INPP5A: variants seen among roughly 807,000 people sequenced by gnomAD.
The protein encoded by INPP5A is inositol polyphosphate-5-phosphatase A.
In INPP5A, 14 loss-of-function variants were observed where a neutral mutation model predicts 65.2. That is an observed-to-expected ratio of 0.21 (90% CI 0.14 to 0.34). The LOEUF (loss-of-function observed/expected upper bound fraction) is 0.34. INPP5A is among the 10% of genes least tolerant of loss of function. The pLI, the probability that INPP5A is intolerant of heterozygous loss-of-function variation, is 1.00. For missense variants in INPP5A, 431 were observed against 545.6 expected (o/e 0.79, Z 2.09); for synonymous variants, 207 against 208.3 (o/e 0.99, Z 0.05).
intron 9 of INPP5A, among the ~76,000 whole-genome samples, chr10:132,730,739 C>T (rs909609958): frequency 9.2e-5 from 14 of 152,192 alleles, no homozygotes; most frequent in African/African-American, 2.2e-4. Context: ...ACCCAGGTGG[C>T]GTCTTGAAGT....
rs570568882 is a variant in INPP5A, at chr10:132,645,963, C to A, written c.213C>A (p.Phe71Leu). 6.2e-7 allele frequency: 1 copy of A among 1,611,488 alleles called. No individual in the cohort carries two copies. Among genetic ancestry groups the A allele is most frequent in the Non-Finnish European group, 8.5e-7 (1 of 1,177,948 alleles). ...YEASMSHVDKFVKELLSSDAM... is the reference protein window; with the variant it reads ...YEASMSHVDKLVKELLSSDAM... ...CCTCCATGTCCCACGTGGACAAGTT[C>A]GTCAAGTAAGTCTAGGGGCAGGTGC... The change falls in exon 3 of 16, where the codon TTC (phenylalanine) becomes TTA (leucine). Residue 71 changes from phenylalanine to leucine, a missense_variant. By Grantham distance (22) the Phe-to-Leu change is conservative. Coordinates refer to ENST00000368594, the MANE Select transcript of INPP5A (RefSeq NM_005539.5).
chr10:132,673,384 C>T (rs551702961), intron 4 of INPP5A, among the ~76,000 whole-genome samples: 3 of 152,172 alleles, frequency 2.0e-5, no homozygotes, highest in Admixed American at 6.5e-5. Flanking sequence ...TTCCCGGACC[C>T]GTGAATCCTG....
chr10:132,657,830 C>T (rs2072679801), intron 4 of INPP5A, among the ~76,000 whole-genome samples: 1 of 152,262 alleles, frequency 6.6e-6, no homozygotes, highest in South Asian at 2.1e-4. Flanking sequence ...GCTGCCTCCT[C>T]ACCTGCCTGG....
chr10:132,732,650 C>T (rs144561672), intron 9 of INPP5A, among the ~76,000 whole-genome samples: 2,048 of 152,252 alleles, frequency 0.013, 27 homozygotes, highest in Non-Finnish European at 0.021. Flanking sequence ...GGCTGGGGGC[C>T]GTGAGGAGTC....
chr10:132,596,926 CAT>C (rs771550865), intron 1 of INPP5A, among the ~76,000 whole-genome samples: 11,513 of 35,908 alleles, frequency 0.32, 616 homozygotes, highest in Middle Eastern at 0.5. Context: ...TGTGTGCGCG[CAT>C]GTGCACGCAT....
chr10:132,570,193 C>T (rs535857922), intron 1 of INPP5A, among the ~76,000 whole-genome samples: 8 of 152,244 alleles, frequency 5.3e-5, no homozygotes, highest in East Asian at 1.9e-4. Context: ...GTGATCCACT[C>T]GCCTCAGCCT....
rs1225763588 is a variant in INPP5A, at chr10:132,545,008, G to A, written c.75+6837G>A. ...GTAAGCACCCAGATCGACCTGTCGG[G>A]CAGTGTTGGGAGAATGTCTGCACGT... On this transcript the variant is annotated intron_variant, in intron 1 of 15. Transcript: ENST00000368594. The surrounding 1 kb of genome is among the most constrained non-coding windows in gnomAD (Gnocchi z 4.6). Among the ~76,000 whole-genome samples, 1 of 152,182 alleles carries A rather than the reference G, an allele frequency of 6.6e-6. No individual in the cohort carries two copies. The highest frequency in any genetic ancestry group is 1.5e-5 in the Non-Finnish European group (1 of 68,034).
In INPP5A at chr10:132,595,600, C is replaced by A. The variant is rs73399350; in HGVS notation, c.76-12315C>A. 3.9e-3 allele frequency among the ~76,000 whole-genome samples: 598 copies of A among 152,234 alleles called. 3 individuals are homozygous for A. The highest frequency in any genetic ancestry group is 0.014 in the African/African-American group (570 of 41,534). On this transcript the variant is annotated intron_variant, in intron 1 of 15. Transcript: ENST00000368594. ...TTGTTGGTGAGTGTGTAGTTCAGTG[C>A]CTTCCTTACCTACATTGGGGTGTTT...
intron 8 of INPP5A, among the ~76,000 whole-genome samples, chr10:132,712,960 G>A (rs1845673233): frequency 6.6e-6 from 1 of 151,108 alleles, no homozygotes; most frequent in South Asian, 2.1e-4. Context: ...GGGTGTGTGG[G>A]TGCATGTGGA....
At chr10:132,738,675 A>C (rs986746380) in intron 9 of INPP5A, among the ~76,000 whole-genome samples, 25 of 152,218 alleles carry the variant, frequency 1.6e-4, no homozygotes, top group African/African-American at 6.0e-4. Flanking sequence ...GCTGTGTCCG[A>C]GCCTGCCAGG....
chr10:132,734,956 G>A (rs1437002526), intron 9 of INPP5A, among the ~76,000 whole-genome samples: 2 of 152,214 alleles, frequency 1.3e-5, no homozygotes, highest in African/African-American at 4.8e-5. Flanking sequence ...GCAGCTGTGT[G>A]GTGAGCCCCT....
In INPP5A at chr10:132,590,546, G is replaced by A. The variant is rs929777158; in HGVS notation, c.76-17369G>A. 4.0e-4 allele frequency among the ~76,000 whole-genome samples: 61 copies of A among 152,114 alleles called. 4 individuals are homozygous for A. Among genetic ancestry groups the A allele is most frequent in the Non-Finnish European group, 2.9e-5 (2 of 68,018 alleles). ...GTGTAAAGATGTCAGTGGGGCCTGC[G>A]TTCGAGGATGTTCCGACCACCATGC... On this transcript the variant is annotated intron_variant, in intron 1 of 15. Coordinates refer to ENST00000368594, the MANE Select transcript of INPP5A (RefSeq NM_005539.5).
intron 8 of INPP5A, among the ~76,000 whole-genome samples, chr10:132,712,336 T>G (rs991043549): frequency 6.6e-6 from 1 of 151,722 alleles, no homozygotes; most frequent in African/African-American, 2.4e-5. Flanking sequence ...TGGGGGTGGG[T>G]GTGCGCACAT....
intron 1 of INPP5A, among the ~76,000 whole-genome samples, chr10:132,585,776 T>A (rs2071537742): frequency 6.6e-6 from 1 of 152,200 alleles, no homozygotes; most frequent in South Asian, 2.1e-4. Context: ...GTGGCCCCTG[T>A]CTTATTTCAT....
chr10:132,566,483 C>T (rs1406161194), intron 1 of INPP5A, among the ~76,000 whole-genome samples: 1 of 152,138 alleles, frequency 6.6e-6, no homozygotes, highest in South Asian at 2.1e-4. Flanking sequence ...ACCATCTCGG[C>T]TTAGGACCCA....
intron 1 of INPP5A, among the ~76,000 whole-genome samples, chr10:132,592,314 G>T (rs747569752): frequency 1.9e-4 from 29 of 152,246 alleles, no homozygotes; most frequent in Non-Finnish European, 3.7e-4. Flanking sequence ...ACAATCCATT[G>T]TAAGATAGTT....
intron 3 of INPP5A, among the ~76,000 whole-genome samples, chr10:132,647,647 G>T (rs935047309): frequency 2.6e-5 from 4 of 152,154 alleles, no homozygotes; most frequent in East Asian, 1.9e-4. Flanking sequence ...CAGGTGCGCA[G>T]CCCAGAGAGT....
At chr10:132,625,605 G>A (rs898578133) in intron 2 of INPP5A, among the ~76,000 whole-genome samples, 1 of 152,198 alleles carries the variant, frequency 6.6e-6, no homozygotes, top group Non-Finnish European at 1.5e-5. Flanking sequence ...GGGCAGGCCC[G>A]GGGACATGGG....
At chr10:132,612,242 T>G (rs1590867912) in intron 2 of INPP5A, among the ~76,000 whole-genome samples, 8 of 135,058 alleles carry the variant, frequency 5.9e-5, no homozygotes, top group African/African-American at 8.6e-5. Flanking sequence ...GTCGGGAGGG[T>G]GTGGGAGGTG....
Sources: allele counts gnomAD v4.1 joint callset (sites outside exome capture counted in the v4.1 genomes callset), GRCh38; gene constraint gnomAD v4.1.1; non-coding constraint Gnocchi (gnomAD v3.1); transcripts MANE v1.5; gene names NCBI Gene and HGNC (gene_info 2026-07-23, HGNC 2026-07-21).